CUL4A: variants seen among roughly 807,000 people sequenced by gnomAD.
The protein encoded by CUL4A is cullin-4A.
Under a neutral mutation model 95.5 loss-of-function variants are expected in CUL4A, and 16 were observed. The ratio of observed to expected loss-of-function variants is 0.17; its 90% CI spans 0.11 to 0.25. The LOEUF is 0.25. CUL4A is among the 10% of genes least tolerant of loss of function. The pLI is 1.00. For missense variants in CUL4A, 610 were observed against 937.0 expected, an observed-to-expected ratio of 0.65 and a Z score of 4.56; for synonymous variants, 380 against 353.1, an observed-to-expected ratio of 1.08 and a Z score of -0.85.
rs189422516 is a variant in CUL4A at position 113,233,004 on chromosome 13, G to A, written c.513-173G>A. The A allele has an allele frequency of 6.7e-4, 439 of 655,292 alleles. 4 individuals are homozygous for A. Among genetic ancestry groups the A allele is most frequent in the East Asian group, 6.3e-3 (218 of 34,598 alleles). 40.6% of individuals were successfully genotyped at this position (655,292 alleles called of 1,614,324 possible). A position where few individuals can be genotyped will look rare whatever the true frequency, so the allele number is the denominator to read the frequency against. ...CTGTTTAAGGAAGGAAATACAAGGC[G>A]CGCTAGACTGGCTGAGAAACAGAAG... On this transcript the variant is annotated intron_variant, in intron 5 of 19. Transcript: ENST00000375440.
intron 5 of CUL4A, among the ~76,000 whole-genome samples, chr13:113,231,505 A>T (rs2041308626): frequency 6.6e-6 from 1 of 152,168 alleles, no homozygotes; most frequent in South Asian, 2.1e-4. Flanking sequence ...GCTGAGGTTG[A>T]TGTTTTAAAG....
intron 2 of CUL4A, among the ~76,000 whole-genome samples, chr13:113,213,872 C>G (rs1333022577): frequency 1.3e-5 from 2 of 152,242 alleles, no homozygotes; most frequent in Admixed American, 6.5e-5. Context: ...GTGATCATCT[C>G]TCCACGCACA....
chr13:113,238,408 G>C (rs2041612446), intron 9 of CUL4A, among the ~76,000 whole-genome samples: 1 of 151,662 alleles, frequency 6.6e-6, no homozygotes, highest in Non-Finnish European at 1.5e-5. Flanking sequence ...ACAAAAACCT[G>C]GGTGACAAAG....
intron 5 of CUL4A, among the ~76,000 whole-genome samples, chr13:113,231,663 G>A (rs1216606180): frequency 3.3e-5 from 5 of 152,206 alleles, no homozygotes; most frequent in South Asian, 2.1e-4. Context: ...AGGAAGGAAA[G>A]GCACAGAGAC....
At chr13:113,248,898 C>T (rs1431724397) in intron 15 of CUL4A, among the ~76,000 whole-genome samples, 1 of 152,184 alleles carries the variant, frequency 6.6e-6, no homozygotes, top group Non-Finnish European at 1.5e-5. Context: ...AGACAACCAT[C>T]CTTTTTTTGC....
chr13:113,218,589 C>T (rs767255828), intron 2 of CUL4A, among the ~76,000 whole-genome samples: 7 of 152,302 alleles, frequency 4.6e-5, no homozygotes, highest in Non-Finnish European at 8.8e-5. Flanking sequence ...TCGGAGCACC[C>T]GGAAACAGGC....
chr13:113,243,487 G>C (rs2041777613), intron 11 of CUL4A, among the ~76,000 whole-genome samples: 1 of 152,082 alleles, frequency 6.6e-6, no homozygotes, highest in African/African-American at 2.4e-5. Context: ...GATAAAACCA[G>C]ATGAGATCTC....
rs974256316 is a variant in CUL4A, at chr13:113,263,892, G to A, written c.*310G>A. Reference sequence around the variant, plus strand: ...AGTTCCTTTAAAAGGTCTTGTTCTTGTGTCAAAAAGCTGCAAGTTTGGTTT... The same window carrying A: ...AGTTCCTTTAAAAGGTCTTGTTCTTATGTCAAAAAGCTGCAAGTTTGGTTT... On this transcript the variant is annotated 3_prime_UTR_variant, in exon 20 of 20. Transcript: ENST00000375440. The A allele has an allele frequency of 3.7e-5, 8 of 217,244 alleles. No individual in the cohort carries two copies. Among genetic ancestry groups the A allele is most frequent in the African/African-American group, 1.8e-4 (8 of 43,854 alleles). The allele number at this position is 217,244 out of a possible 1,614,324, so 13.5% of individuals were successfully genotyped here.
At chr13:113,209,013 C>A (rs949426293), upstream of CUL4A, 10 of 808,552 alleles carry the variant, frequency 1.2e-5, no homozygotes, top group Admixed American at 2.4e-4. Context: ...CTGGCTGGGC[C>A]AGGGCCTCGG....
At chr13:113,215,132 C>T (rs1201653492) in intron 2 of CUL4A, among the ~76,000 whole-genome samples, 1 of 149,424 alleles carries the variant, frequency 6.7e-6, no homozygotes, top group Non-Finnish European at 1.5e-5. Context: ...ATGGAAGTCG[C>T]GTTCCGTGTG....
upstream of CUL4A, chr13:113,209,003 C>A (rs2040198575): frequency 1.2e-6 from 1 of 842,288 alleles, no homozygotes; most frequent in African/African-American, 1.9e-5. Context: ...CCCTCCGCGC[C>A]TGGCTGGGCC....
At chr13:113,240,606 AAAAG>A (rs2041679863) in intron 10 of CUL4A, among the ~76,000 whole-genome samples, 1 of 152,370 alleles carries the variant, frequency 6.6e-6, no homozygotes, top group Middle Eastern at 3.4e-3. Context: ...TAAGAGGAAA[AAAAG>A]AAAAGCCAAT....
chr13:113,254,704 A>G lies in CUL4A; in HGVS notation c.1764A>G (p.Glu588=). The change falls in exon 17 of 20, where the codon GAA becomes GAG. Residue 588 remains glutamate, a synonymous_variant. Coordinates refer to ENST00000375440, the MANE Select transcript of CUL4A (RefSeq NM_001008895.4). The part of the protein sequence containing the change: ...LKAEFKEGKK[E]FQVSLFQTLV... ...GCCTTCTCTTCCAGGGGAAGAAGGA[A>G]TTCCAGGTGTCCCTCTTCCAGACAC... The G allele has an allele frequency of 6.2e-7, 1 of 1,609,350 alleles. No homozygotes were observed. Among genetic ancestry groups the G allele is most frequent in the Non-Finnish European group, 8.5e-7 (1 of 1,177,334 alleles).
intron 5 of CUL4A, among the ~76,000 whole-genome samples, chr13:113,232,188 TGCCACCACTACCCGCC>T (rs2041362005): frequency 2.5e-4 from 2 of 7,984 alleles, no homozygotes; most frequent in Admixed American, 1.4e-3. Flanking sequence ...CCATTACTGC[TGCCACCACTACCCGCC>T]CACCACCATT....
intron 10 of CUL4A, among the ~76,000 whole-genome samples, chr13:113,240,203 T>C (rs1185480390): frequency 6.6e-6 from 1 of 152,078 alleles, no homozygotes; most frequent in Non-Finnish European, 1.5e-5. Context: ...AAGGGGACAT[T>C]TGTTGATGTC....
At chr13:113,251,226 GA>G (rs901857143) in intron 15 of CUL4A, among the ~76,000 whole-genome samples, 1 of 152,302 alleles carries the variant, frequency 6.6e-6, no homozygotes, top group Admixed American at 6.5e-5. Context: ...GGCGGTTCTG[GA>G]AATGAGTAGG....
chr13:113,231,640 A>G (rs1042578690), intron 5 of CUL4A, among the ~76,000 whole-genome samples: 2 of 152,172 alleles, frequency 1.3e-5, no homozygotes, highest in Admixed American at 6.5e-5. Flanking sequence ...TTTGATCCCC[A>G]TTTTAACAGT....
chr13:113,235,832 G>T (rs549241905), intron 8 of CUL4A, among the ~76,000 whole-genome samples: 29 of 152,236 alleles, frequency 1.9e-4, no homozygotes, highest in Admixed American at 6.5e-5. Flanking sequence ...TTAGCCGGGC[G>T]TGGTGGCGGG....
intron 4 of CUL4A, among the ~76,000 whole-genome samples, chr13:113,228,974 A>G (rs2041209747): frequency 6.6e-6 from 1 of 151,904 alleles, no homozygotes; most frequent in South Asian, 2.1e-4. Flanking sequence ...CAAAAAAAAA[A>G]AAAATTAACC....
Sources: gnomAD v4.1 joint callset for allele counts (sites outside exome capture counted in the v4.1 genomes callset) on GRCh38, gnomAD v4.1.1 for gene constraint, MANE v1.5 for transcripts, NCBI Gene and HGNC (gene_info 2026-07-23, HGNC 2026-07-21) for gene names.